SH3RF2: variants seen among roughly 807,000 people sequenced by gnomAD.
SH3RF2 encodes E3 ubiquitin-protein ligase SH3RF2.
A neutral mutation model predicts 59.0 loss-of-function variants in SH3RF2; 43 were observed. That is an observed-to-expected ratio of 0.73 (90% CI 0.57 to 0.94). The LOEUF is 0.94. Among genes scored for constraint, SH3RF2 ranks in the 40% least tolerant of loss-of-function variants. SH3RF2 has a pLI of 0.00. For synonymous variants in SH3RF2, 391 were observed against 391.5 expected, an observed-to-expected ratio of 1.00 and a Z score of 0.01; for missense variants, 930 against 940.1, an observed-to-expected ratio of 0.99 and a Z score of 0.14.
At chr5:146,030,233 C>T (rs1761693472) in intron 5 of SH3RF2, among the ~76,000 whole-genome samples, 1 of 152,202 alleles carries the variant, frequency 6.6e-6, no homozygotes, top group Non-Finnish European at 1.5e-5. Context: ...TTGCTGCTTC[C>T]TTGCTTCTGC....
intron 7 of SH3RF2, among the ~76,000 whole-genome samples, chr5:146,051,866 C>A (rs578071942): frequency 6.6e-6 from 1 of 152,130 alleles, no homozygotes; most frequent in African/African-American, 2.4e-5. Context: ...AGAATGACAA[C>A]GAGCCAGAAG....
At chr5:146,072,115 T>TCATA (rs1360278732) in intron 9 of SH3RF2, among the ~76,000 whole-genome samples, 1 of 151,996 alleles carries the variant, frequency 6.6e-6, no homozygotes, top group African/African-American at 2.4e-5. Flanking sequence ...GACTCTGGAG[T>TCATA]CATATATCCC....
downstream of SH3RF2, among the ~76,000 whole-genome samples, chr5:146,065,752 G>A (rs76429730): frequency 5.3e-3 from 814 of 152,292 alleles, 14 homozygotes; most frequent in East Asian, 0.042. Flanking sequence ...GACAAAGGAT[G>A]TTTTTTCCAA....
intron 2 of SH3RF2, among the ~76,000 whole-genome samples, chr5:145,964,254 C>T (rs188876579): frequency 6.9e-6 from 1 of 144,364 alleles, no homozygotes; most frequent in Admixed American, 7.2e-5. Context: ...CTTTCTCTTT[C>T]TTTCTTCTTT....
chr5:146,036,682 G>A (rs934330679), intron 5 of SH3RF2, among the ~76,000 whole-genome samples: 22 of 152,272 alleles, frequency 1.4e-4, no homozygotes, highest in African/African-American at 2.2e-4. Flanking sequence ...GTGACAGAGC[G>A]AAACTCTATC....
chr5:146,004,414 A>C, intron 4 of SH3RF2, among the ~76,000 whole-genome samples: 1 of 152,230 alleles, frequency 6.6e-6, no homozygotes, highest in Non-Finnish European at 1.5e-5. Context: ...AAAAATATTA[A>C]AAATGTATGC....
At chr5:146,078,758 A>C (rs967220286) in exon 10 of SH3RF2, 2 of 152,190 alleles carry the variant, frequency 1.3e-5, no homozygotes, top group African/African-American at 4.8e-5. Context: ...TCTGTTACTC[A>C]CTGCTGTTGT....
rs1353461585 is a variant in SH3RF2 at position 145,964,153 on chromosome 5, CCTT to C, written c.378+25851_378+25853del. ...GGCCTCTTCCTTTCTTTCCTTCCTTCCTTCTTTTCTTTTTTTCTTTCTTTCTTT... is the reference window on the plus strand; with the variant it reads ...GGCCTCTTCCTTTCTTTCCTTCCTTCCTTTTCTTTTTTTCTTTCTTTCTTT... On this transcript the variant is annotated intron_variant, in intron 2 of 9. Coordinates refer to ENST00000359120, the MANE Select transcript of SH3RF2 (RefSeq NM_152550.4). 9.2e-5 allele frequency among the ~76,000 whole-genome samples: 14 copies of C among 151,636 alleles called. 1 individual carries two copies. In the South Asian group the frequency reaches 1.0e-3, roughly 11 times the overall value.
At chr5:146,014,394 C>T (rs542857444) in intron 5 of SH3RF2, among the ~76,000 whole-genome samples, 87 of 152,246 alleles carry the variant, frequency 5.7e-4, no homozygotes, top group African/African-American at 2.0e-3. Context: ...GAACTTCCCT[C>T]TAAGGAGATG....
intron 2 of SH3RF2, among the ~76,000 whole-genome samples, chr5:145,983,419 A>AAAAGAGTG (rs1200069060): frequency 6.6e-6 from 1 of 152,174 alleles, no homozygotes; most frequent in African/African-American, 2.4e-5. Flanking sequence ...CATTATTTTC[A>AAAAGAGTG]AAAGAGTGAC....
rs147928467 is a variant in SH3RF2 at position 145,947,975 on chromosome 5, T to G, written c.378+9669T>G. ...TTAAGATTTATTAACTGCATCTTAC[T>G]TATTATGCATGATGCAGTTAATAAA... On this transcript the variant is annotated intron_variant, in intron 2 of 9. Transcript: ENST00000359120. Among the ~76,000 whole-genome samples the G allele has an allele frequency of 3.1e-3, 477 of 152,336 alleles. 3 individuals are homozygous for G. Among genetic ancestry groups the G allele is most frequent in the African/African-American group, 0.011 (450 of 41,576 alleles).
At chr5:146,079,238 AAAT>A (rs1763388582) in exon 10 of SH3RF2, 1 of 152,208 alleles carries the variant, frequency 6.6e-6, no homozygotes, top group Non-Finnish European at 1.5e-5. Flanking sequence ...TTATGTTCAT[AAAT>A]AAGTCATCAT....
intron 2 of SH3RF2, among the ~76,000 whole-genome samples, chr5:145,943,477 G>C (rs375888043): frequency 6.6e-6 from 1 of 152,158 alleles, no homozygotes; most frequent in Non-Finnish European, 1.5e-5. Flanking sequence ...CGATTTTACC[G>C]TATGACAATA....
At chr5:145,963,141 C>A (rs960865653) in intron 2 of SH3RF2, among the ~76,000 whole-genome samples, 5 of 152,100 alleles carry the variant, frequency 3.3e-5, no homozygotes, top group Admixed American at 1.3e-4. Flanking sequence ...TCATAATCCA[C>A]CCACCTCGGC....
rs754360424 is a variant in SH3RF2 at position 146,071,768 on chromosome 5, G to A, written c.*34-6692G>A. On this transcript the variant is annotated intron_variant, in intron 9 of 9. Transcript: ENST00000511217. ...AATAACTAAAGAAACTTGGAAAAGT[G>A]ACACAACCCTAGACCTCGTTTTCTC... Among the ~76,000 whole-genome samples, 21 of 152,200 alleles carry A rather than the reference G, an allele frequency of 1.4e-4. No homozygotes were observed. In the South Asian group the frequency reaches 1.4e-3, roughly 10 times the overall value.
chr5:145,978,964 G>C (rs996040817), intron 2 of SH3RF2, among the ~76,000 whole-genome samples: 13 of 152,270 alleles, frequency 8.5e-5, no homozygotes, highest in South Asian at 6.2e-4. Flanking sequence ...CCAAGATTGG[G>C]TTCCTGTTTT....
intron 5 of SH3RF2, among the ~76,000 whole-genome samples, chr5:146,023,740 C>T (rs1489606792): frequency 6.6e-6 from 1 of 152,152 alleles, no homozygotes; most frequent in African/African-American, 2.4e-5. Context: ...CACCTCTTAG[C>T]CATCACCTCC....
At position 146,047,953 on chromosome 5, in the gene SH3RF2, A is replaced by C. The variant is rs1047021103; in HGVS notation, c.1151+90A>C. On this transcript the variant is annotated intron_variant, in intron 6 of 9. Coordinates refer to ENST00000359120, the MANE Select transcript of SH3RF2 (RefSeq NM_152550.4). ...GTGGTGATCTAGCATCACCATTCCC[A>C]AAACATCCCATCCAGAGACAATAGG... is the stretch of plus-strand genomic sequence containing the variant. 1.1e-5 allele frequency: 14 copies of C among 1,233,370 alleles called. No homozygotes were observed. In the Admixed American group the frequency reaches 2.5e-4, roughly 22 times the overall value. 76.4% of individuals were successfully genotyped at this position (1,233,370 alleles called of 1,614,324 possible).
chr5:145,995,353 G>A (rs975962933), intron 2 of SH3RF2, among the ~76,000 whole-genome samples: 2 of 152,188 alleles, frequency 1.3e-5, no homozygotes, highest in Non-Finnish European at 2.9e-5. Context: ...ATATTACAAT[G>A]GAAAATTGAG....
Sources: allele counts gnomAD v4.1 joint callset (sites outside exome capture counted in the v4.1 genomes callset), GRCh38; gene constraint gnomAD v4.1.1; transcripts MANE v1.5; gene names NCBI Gene and HGNC (gene_info 2026-07-23, HGNC 2026-07-21).